The following PRRC2B variants were observed in gnomAD, a reference collection of about 807,000 sequenced individuals.
PRRC2B encodes the protein protein PRRC2B.
Under a neutral mutation model 242.3 loss-of-function variants are expected in PRRC2B, and 68 were observed. That is an observed-to-expected ratio of 0.28 (90% CI 0.23 to 0.34). PRRC2B has a LOEUF of 0.34. Ranked by LOEUF, PRRC2B falls within the 10% of genes least tolerant of loss-of-function variation. The pLI is 1.00. For missense variants in PRRC2B, 2,835 were observed against 2,954.8 expected (o/e 0.96, Z 0.94); for synonymous variants, 1,228 against 1,173.6 (o/e 1.05, Z -0.95).
Position 131,475,191 on chromosome 9 carries a change from A to T in PRRC2B, c.3062A>T (p.Glu1021Val). ...ATFGREATKF[E>V]EEEKPDKAWE... ...TTTGGCCGCGAGGCCACCAAATTTG[A>T]AGAGGAGGAGAAACCTGACAAGGCC... Residue 1021 changes from glutamate (E) to valine (V), a missense_variant, in exon 16 of 32, where the codon GAA (glutamate) becomes GTA (valine). By Grantham distance (121) the Glu-to-Val change is moderately radical. This residue lies in a region of PRRC2B where 1,536 missense variants were observed against 1,483.1 expected (regional missense o/e 1.04). Transcript: ENST00000683519. The T allele has an allele frequency of 6.2e-7, 1 of 1,613,662 alleles. No homozygotes were observed. The highest frequency in any genetic ancestry group is 1.1e-5 in the South Asian group (1 of 91,076).
At chr9:131,420,472 T>TCC (rs1180275560) in intron 1 of PRRC2B, among the ~76,000 whole-genome samples, 3 of 11,816 alleles carry the variant, frequency 2.5e-4, no homozygotes, top group African/African-American at 5.2e-4. Flanking sequence ...TTTCTTTCTT[T>TCC]CTTTCTTTCT....
intron 1 of PRRC2B, among the ~76,000 whole-genome samples, chr9:131,411,645 A>G (rs1837512353): frequency 6.6e-6 from 1 of 151,914 alleles, no homozygotes; most frequent in South Asian, 2.1e-4. Flanking sequence ...GCCTGGCCTC[A>G]TTTGTACTAT....
At chr9:131,447,038 G>C (rs373490977) in intron 7 of PRRC2B, 47 bp from the exon 8 acceptor site, 5 of 1,611,666 alleles carry the variant, frequency 3.1e-6, no homozygotes, top group Non-Finnish European at 4.2e-6. Context: ...GGAAATTGCA[G>C]TTTCAGCCAT....
chr9:131,494,198 A>G lies in PRRC2B; in HGVS notation c.6474-207A>G, dbSNP rs1383605040. ...CTGTCCTGGAGGTGCCAGGGTGGTC[A>G]GTGACAGCCACCCCCTCACCCTTCT... On this transcript the variant is annotated intron_variant, in intron 30 of 31. Transcript: ENST00000683519. This position sits in a 1 kb window ranked among gnomAD's most constrained non-coding sequence, Gnocchi z 4.3. 6.6e-6 allele frequency among the ~76,000 whole-genome samples: 1 copy of G among 152,168 alleles called. No individual in the cohort carries two copies. Among genetic ancestry groups the G allele is most frequent in the Non-Finnish European group, 1.5e-5 (1 of 68,030 alleles).
At chr9:131,483,315 C>T in intron 22 of PRRC2B, 44 bp from the exon 23 acceptor site, 1 of 1,560,348 alleles carries the variant, frequency 6.4e-7, no homozygotes, top group Non-Finnish European at 8.8e-7. Flanking sequence ...AATGTAGGGC[C>T]AGGAGGATCT....
chr9:131,436,806 C>T (rs2131335419), intron 4 of PRRC2B, 84 bp downstream of exon 4: 12 of 1,133,080 alleles, frequency 1.1e-5, no homozygotes, highest in Admixed American at 2.0e-5. Context: ...GAAGGAGTTG[C>T]TACTGAGAAG....
At chr9:131,495,681 G>A (rs1014748361) in intron 31 of PRRC2B, 59 bp from the exon 32 acceptor site, 5 of 1,567,704 alleles carry the variant, frequency 3.2e-6, no homozygotes, top group Non-Finnish European at 3.5e-6. Context: ...TGGGAACTAT[G>A]TATCCAAACA....
At chr9:131,450,630 C>G (rs552409820) in intron 9 of PRRC2B, among the ~76,000 whole-genome samples, 5 of 151,802 alleles carry the variant, frequency 3.3e-5, no homozygotes, top group African/African-American at 9.7e-5. Flanking sequence ...CTCTGCCACA[C>G]AGGCTGGAGT....
chr9:131,389,904 G>A (rs1215874137), upstream of PRRC2B, among the ~76,000 whole-genome samples: 5 of 147,572 alleles, frequency 3.4e-5, no homozygotes, highest in Admixed American at 1.5e-4. Context: ...CTAAAACCTC[G>A]GAACATGGTT....
intron 12 of PRRC2B, among the ~76,000 whole-genome samples, chr9:131,467,047 C>T (rs556497022): frequency 7.9e-5 from 12 of 152,134 alleles, no homozygotes; most frequent in Middle Eastern, 3.4e-3. Context: ...GTGATCCATC[C>T]GCCTCGGCCT....
Position 131,433,665 on chromosome 9 carries a change from G to A in PRRC2B, c.293+871G>A, listed in dbSNP as rs578258556. On this transcript the variant is annotated intron_variant, in intron 3 of 31. Coordinates refer to ENST00000683519, the MANE Select transcript of PRRC2B (RefSeq NM_013318.4). ...GTGAACAAAGCTGTCTGGCGGCAGC[G>A]CCCTCCTGGCCTGCATCTCTGGTGG... Among the ~76,000 whole-genome samples, 16 of 152,310 alleles carry A rather than the reference G, an allele frequency of 1.1e-4. 1 individual carries two copies. The South Asian group carries it at 1.7e-3, about 16-fold the overall frequency.
intron 11 of PRRC2B, among the ~76,000 whole-genome samples, chr9:131,460,392 A>G (rs1178765018): frequency 6.6e-6 from 1 of 152,180 alleles, no homozygotes; most frequent in African/African-American, 2.4e-5. Context: ...TGGGTTTATC[A>G]TCATCTTTCT....
intron 5 of PRRC2B, among the ~76,000 whole-genome samples, chr9:131,442,472 G>A (rs902561096): frequency 5.9e-5 from 9 of 151,996 alleles, no homozygotes; most frequent in African/African-American, 1.7e-4. Context: ...GACACTTAGA[G>A]TCCATCTCTG....
At position 131,420,496 on chromosome 9, in the gene PRRC2B, T is replaced by TCG. The variant is rs59621148; in HGVS notation, c.-51-9598_-51-9597insCG. Among the ~76,000 whole-genome samples the TCG allele has an allele frequency of 3.6e-4, 27 of 75,932 alleles. 2 individuals carry two copies. The highest frequency in any genetic ancestry group is 1.3e-3 in the African/African-American group (24 of 18,782). 49.8% of individuals were successfully genotyped at this position (75,932 alleles called of 152,430 possible). A position where few individuals can be genotyped will look rare whatever the true frequency, so the allele number is the denominator to read the frequency against. On this transcript the variant is annotated intron_variant, in intron 1 of 31. Coordinates refer to ENST00000683519, the MANE Select transcript of PRRC2B (RefSeq NM_013318.4). Reference sequence around the variant, plus strand: ...TTCTTTCTTTCTTTCTTTCTTTCTTTTTTTTTTTTTTTTTGAGATGGAGGC... The same window carrying TCG: ...TTCTTTCTTTCTTTCTTTCTTTCTTTCGTTTTTTTTTTTTTTGAGATGGAGGC...
chr9:131,493,808 G>A (rs943983813), intron 30 of PRRC2B, among the ~76,000 whole-genome samples: 2 of 152,194 alleles, frequency 1.3e-5, no homozygotes, highest in Non-Finnish European at 2.9e-5. Context: ...CAGGCTGAGC[G>A]GGCCTAGGTT....
At position 131,496,594 on chromosome 9, in the gene PRRC2B, A is replaced by G. The variant is rs1395532827; in HGVS notation, c.*720A>G. On this transcript the variant is annotated 3_prime_UTR_variant, in exon 32 of 32. Coordinates refer to ENST00000683519, the MANE Select transcript of PRRC2B (RefSeq NM_013318.4). ...TGCCTGGCTCCCCGCCTGGGAAGCG[A>G]TGGGGTGCTCAGAGCAGCAGGCAGG... The G allele has an allele frequency of 7.5e-6, 1 of 132,968 alleles. No homozygotes were observed. Among genetic ancestry groups the G allele is most frequent in the Non-Finnish European group, 1.6e-5 (1 of 62,762 alleles). 8.2% of individuals were successfully genotyped at this position (132,968 alleles called of 1,614,324 possible).
chr9:131,473,583 C>G lies in PRRC2B; in HGVS notation c.2183C>G (p.Pro728Arg). The stretch of plus-strand genomic sequence containing the variant: ...CGCTCTGAGGATCAGAACTGTGTGC[C>G]CCCACTCCAAGAAAGAAAAGTGACC... ...GCRSEDQNCV[P>R]PLQERKVTPI... The change falls in exon 15 of 32, where the codon CCC becomes CGC. Residue 728 changes from proline (P) to arginine (R), a missense_variant. Coordinates refer to ENST00000683519, the MANE Select transcript of PRRC2B (RefSeq NM_013318.4). 6.2e-7 allele frequency: 1 copy of G among 1,611,536 alleles called. No individual in the cohort carries two copies. The highest frequency in any genetic ancestry group is 1.1e-5 in the South Asian group (1 of 90,432).
chr9:131,399,013 C>G (rs1009059333), intron 1 of PRRC2B, among the ~76,000 whole-genome samples: 1 of 151,336 alleles, frequency 6.6e-6, no homozygotes, highest in Non-Finnish European at 1.5e-5. Context: ...CGGTGGCTCA[C>G]GCCTGTAATC....
At chr9:131,492,295 G>T in intron 30 of PRRC2B, 35 bp downstream of exon 30, 1 of 1,553,948 alleles carries the variant, frequency 6.4e-7, no homozygotes, top group Non-Finnish European at 8.9e-7. Context: ...GTGCTGTGTA[G>T]CTGAGCAGTT....
Sources: gnomAD v4.1 joint callset for allele counts (sites outside exome capture counted in the v4.1 genomes callset) on GRCh38, gnomAD v4.1.1 for gene constraint, gnomAD v4.1.1 regional missense constraint, Gnocchi (gnomAD v3.1) non-coding constraint, MANE v1.5 for transcripts, NCBI Gene and HGNC (gene_info 2026-07-23, HGNC 2026-07-21) for gene names.